AKAP6: variants seen among roughly 807,000 people sequenced by gnomAD.
AKAP6 encodes A-kinase anchoring protein 6.
AKAP6 carries 58 observed loss-of-function variants against 188.5 expected under a neutral mutation model. The observed-to-expected ratio is 0.31, with a 90% CI of 0.25 to 0.38. AKAP6 has a LOEUF of 0.38. Among genes scored for constraint, AKAP6 ranks in the 10% least tolerant of loss-of-function variants. The pLI, the probability that AKAP6 is intolerant of heterozygous loss-of-function variation, is 1.00. For synonymous variants in AKAP6, 989 were observed against 998.6 expected (o/e 0.99, Z 0.18); for missense variants, 2,710 against 2,740.0 (o/e 0.99, Z 0.24).
intron 1 of AKAP6, among the ~76,000 whole-genome samples, chr14:32,383,621 C>T (rs1185880203): frequency 1.3e-5 from 2 of 152,152 alleles, no homozygotes; most frequent in Non-Finnish European, 2.9e-5. Flanking sequence ...AGTAATTCTG[C>T]ATATCAATTT....
chr14:32,369,102 C>G (rs1268740556), intron 1 of AKAP6, among the ~76,000 whole-genome samples: 1 of 152,054 alleles, frequency 6.6e-6, no homozygotes, highest in Non-Finnish European at 1.5e-5. Context: ...GGGCACTCTT[C>G]AAATGTGGTT....
Position 32,433,720 on chromosome 14 carries a change from G to C in AKAP6, c.227G>C (p.Trp76Ser). 1.2e-6 allele frequency: 2 copies of C among 1,614,184 alleles called. No homozygotes were observed. The highest frequency in any genetic ancestry group is 1.7e-6 in the Non-Finnish European group (2 of 1,180,048). Reference protein sequence around the residue: ...IVLHLPEIETWLRMTSERVRD... With the variant: ...IVLHLPEIETSLRMTSERVRD... ...CTCCACTTACCTGAAATTGAGACCT[G>C]GCTCCGGATGACCTCAGAGAGGGTC... The change falls in exon 2 of 14, where the codon TGG (tryptophan) becomes TCG (serine). Residue 76 changes from tryptophan to serine, a missense_variant. Around this residue, in one of 2 missense-constraint regions of AKAP6, gnomAD observed 237 missense variants for 313.9 expected, o/e 0.76. Coordinates refer to ENST00000280979, the MANE Select transcript of AKAP6 (RefSeq NM_004274.5).
intron 2 of AKAP6, among the ~76,000 whole-genome samples, chr14:32,469,095 A>G (rs1269698562): frequency 2.0e-5 from 3 of 152,138 alleles, no homozygotes; most frequent in African/African-American, 7.2e-5. Flanking sequence ...CATGGGGTGT[A>G]CTGTGAGAAC....
At chr14:32,738,292 C>G (rs2031523910) in intron 11 of AKAP6, among the ~76,000 whole-genome samples, 1 of 152,028 alleles carries the variant, frequency 6.6e-6, no homozygotes. Flanking sequence ...TATCCCATAA[C>G]CAAATTCATT....
intron 9 of AKAP6, among the ~76,000 whole-genome samples, chr14:32,723,644 T>A (rs990680112): frequency 2.6e-5 from 4 of 151,994 alleles, no homozygotes; most frequent in South Asian, 2.1e-4. Flanking sequence ...GTTGAAGCCG[T>A]ATTTCCACAG....
At chr14:32,700,096 TTA>T (rs201197926) in intron 9 of AKAP6, among the ~76,000 whole-genome samples, 1,661 of 152,330 alleles carry the variant, frequency 0.011, 10 homozygotes, top group Admixed American at 0.02. Flanking sequence ...TCTCTAAGTG[TTA>T]TAGACTGAGT....
intron 7 of AKAP6, among the ~76,000 whole-genome samples, chr14:32,643,000 A>G (rs1887824660): frequency 6.6e-6 from 1 of 152,198 alleles, no homozygotes; most frequent in African/African-American, 2.4e-5. Flanking sequence ...AAAAGTTTTC[A>G]TGACAGCATA....
Position 32,821,400 on chromosome 14 carries a change from A to G in AKAP6, c.3589-2A>G, listed in dbSNP as rs1566734757. Reference sequence around the variant, plus strand: ...CCTTTTCTTTTTCTTTCTCTCACACAGGAGACTTTGAATGTGATTGATCCT... The same window carrying G: ...CCTTTTCTTTTTCTTTCTCTCACACGGGAGACTTTGAATGTGATTGATCCT... On this transcript the variant is annotated splice_acceptor_variant, in intron 12 of 13. Coordinates refer to ENST00000280979, the MANE Select transcript of AKAP6 (RefSeq NM_004274.5). LOFTEE classifies it high-confidence loss of function. The G allele has an allele frequency of 1.9e-6, 3 of 1,585,356 alleles. No homozygotes were observed. Among genetic ancestry groups the G allele is most frequent in the Non-Finnish European group, 2.6e-6 (3 of 1,165,820 alleles).
chr14:32,521,269 A>C (rs1881814373), intron 2 of AKAP6, among the ~76,000 whole-genome samples: 1 of 152,146 alleles, frequency 6.6e-6, no homozygotes, highest in South Asian at 2.1e-4. Context: ...CCCTTTGAAA[A>C]CGGGCACCAG....
At position 32,485,415 on chromosome 14, in the gene AKAP6, T is replaced by G. The variant is rs555565467; in HGVS notation, c.325-50139T>G. 3.9e-5 allele frequency among the ~76,000 whole-genome samples: 6 copies of G among 152,214 alleles called. No individual in the cohort carries two copies. In the South Asian group the frequency reaches 1.2e-3, roughly 32 times the overall value. ...TGTCTTCCACAATGGTTGAAATAAT[T>G]TACACTCCCACCAACAGTGTAAAAG... On this transcript the variant is annotated intron_variant, in intron 2 of 13. Transcript: ENST00000280979.
chr14:32,613,258 CATT>C (rs1298824273), intron 7 of AKAP6, among the ~76,000 whole-genome samples: 1 of 152,154 alleles, frequency 6.6e-6, no homozygotes, highest in East Asian at 1.9e-4. Flanking sequence ...CTCAAGCTAT[CATT>C]AGATAGATGA....
chr14:32,526,417 G>A (rs1435301739), intron 2 of AKAP6, among the ~76,000 whole-genome samples: 1 of 152,094 alleles, frequency 6.6e-6, no homozygotes, highest in African/African-American at 2.4e-5. Flanking sequence ...ATTTTTAGTA[G>A]AGATGCAGTT....
chr14:32,332,423 A>G lies in AKAP6; in HGVS notation c.-35+3015A>G, dbSNP rs141064087. Among the ~76,000 whole-genome samples the G allele has an allele frequency of 5.5e-4, 84 of 152,238 alleles. 2 individuals are homozygous for G. Among genetic ancestry groups the G allele is most frequent in the African/African-American group, 1.8e-3 (75 of 41,576 alleles). On this transcript the variant is annotated intron_variant, in intron 1 of 13. Transcript: ENST00000280979. ...AAGGATGAGCATGAATCTTGATCAG[A>G]TGTGAATATTTACTTTGTACCCAGA... is the stretch of plus-strand genomic sequence containing the variant.
At chr14:32,622,532 T>G (rs1014587497) in intron 7 of AKAP6, among the ~76,000 whole-genome samples, 1 of 152,158 alleles carries the variant, frequency 6.6e-6, no homozygotes, top group Non-Finnish European at 1.5e-5. Flanking sequence ...AAAGAATCCC[T>G]TCTCTGCATC....
rs1239983844 is a variant in AKAP6, at chr14:32,400,575, A to AAAAAAAAAAAAAAAC, written c.-34-32881_-34-32880insAAAAAAAAAACAAAA. Among the ~76,000 whole-genome samples, 6 of 149,886 alleles carry AAAAAAAAAAAAAAAC rather than the reference A, an allele frequency of 4.0e-5. No individual in the cohort carries two copies. In the East Asian group the frequency reaches 9.7e-4, roughly 24 times the overall value. Reference sequence around the variant, plus strand: ...AGTCCACTTTTAGCAAAAAAAAAAAAAAAAGACAGTAAGCATTCATAAATG... The same window carrying AAAAAAAAAAAAAAAC: ...AGTCCACTTTTAGCAAAAAAAAAAAAAAAAAAAAAAAAAACAAAAGACAGTAAGCATTCATAAATG... On this transcript the variant is annotated intron_variant, in intron 1 of 13. Coordinates refer to ENST00000280979, the MANE Select transcript of AKAP6 (RefSeq NM_004274.5).
intron 9 of AKAP6, among the ~76,000 whole-genome samples, chr14:32,699,109 G>T (rs1334867047): frequency 1.3e-5 from 2 of 152,124 alleles, no homozygotes; most frequent in Non-Finnish European, 2.9e-5. Context: ...CTAATAAGAT[G>T]CTAGTCAGTG....
At chr14:32,761,078 T>G (rs556377870) in intron 11 of AKAP6, among the ~76,000 whole-genome samples, 1 of 152,184 alleles carries the variant, frequency 6.6e-6, no homozygotes, top group South Asian at 2.1e-4. Flanking sequence ...CATAGGAAAA[T>G]GTACTATTTA....
intron 8 of AKAP6, among the ~76,000 whole-genome samples, chr14:32,690,812 C>T (rs1441028799): frequency 1.3e-5 from 2 of 152,134 alleles, no homozygotes; most frequent in African/African-American, 4.8e-5. Flanking sequence ...ATTAAGCTAC[C>T]TACATCAGAA....
intron 9 of AKAP6, among the ~76,000 whole-genome samples, chr14:32,716,516 G>A (rs2030211081): frequency 6.7e-6 from 1 of 149,938 alleles, no homozygotes; most frequent in Non-Finnish European, 1.5e-5. Context: ...TATACACTAT[G>A]TATTTAGTAT....
Sources: gnomAD v4.1 joint callset for allele counts (sites outside exome capture counted in the v4.1 genomes callset) on GRCh38, gnomAD v4.1.1 for gene constraint, gnomAD v4.1.1 regional missense constraint, MANE v1.5 for transcripts, NCBI Gene and HGNC (gene_info 2026-07-23, HGNC 2026-07-21) for gene names.